The following EPHA6 variants were observed in gnomAD, a reference collection of about 807,000 sequenced individuals.
EPHA6 encodes the protein EPH receptor A6, also known as ephrin type-A receptor 6.
EPHA6 carries 50 observed loss-of-function variants against 112.0 expected under a neutral mutation model. That is an observed-to-expected ratio of 0.45 (90% confidence interval 0.36 to 0.56). The LOEUF is 0.56. Ranked by LOEUF, EPHA6 falls within the 20% of genes least tolerant of loss-of-function variation. The pLI is 0.00. For missense variants in EPHA6, 1,280 were observed against 1,417.4 expected, an observed-to-expected ratio of 0.90 and a Z score of 1.56; for synonymous variants, 529 against 490.7, an observed-to-expected ratio of 1.08 and a Z score of -1.03.
intron 14 of EPHA6, among the ~76,000 whole-genome samples, chr3:97,705,104 T>C (rs1272264465): frequency 1.3e-5 from 2 of 152,156 alleles, no homozygotes; most frequent in East Asian, 1.9e-4. Context: ...ATGTATTTAA[T>C]GCCCAAGGAA....
intron 15 of EPHA6, among the ~76,000 whole-genome samples, chr3:97,721,885 T>TTTTG (rs1180070291): frequency 6.6e-6 from 1 of 152,146 alleles, no homozygotes; most frequent in African/African-American, 2.4e-5. Flanking sequence ...TATTTGGGGA[T>TTTTG]TTTGTTTGTT....
At chr3:97,653,552 A>G (rs868118876) in intron 14 of EPHA6, among the ~76,000 whole-genome samples, 2 of 151,952 alleles carry the variant, frequency 1.3e-5, no homozygotes, top group African/African-American at 4.8e-5. Flanking sequence ...CACATTGTGC[A>G]TGGTAATGTA....
At chr3:97,305,656 G>A (rs1186147117) in intron 5 of EPHA6, among the ~76,000 whole-genome samples, 1 of 151,980 alleles carries the variant, frequency 6.6e-6, no homozygotes, top group Non-Finnish European at 1.5e-5. Context: ...TTATAAGTGA[G>A]AGCTGAACAA....
chr3:97,536,109 C>A (rs1395529026), intron 11 of EPHA6, among the ~76,000 whole-genome samples: 1 of 152,064 alleles, frequency 6.6e-6, no homozygotes, highest in African/African-American at 2.4e-5. Context: ...CATACTTTTT[C>A]TCCAAGAAGC....
chr3:97,512,959 C>T (rs535995715), intron 10 of EPHA6, among the ~76,000 whole-genome samples: 13 of 152,224 alleles, frequency 8.5e-5, no homozygotes, highest in Middle Eastern at 3.4e-3. Context: ...TGATATTCTC[C>T]CATGGTTGCC....
chr3:97,307,610 C>CT (rs199688049), intron 5 of EPHA6, among the ~76,000 whole-genome samples: 17,271 of 142,514 alleles, frequency 0.12, 2,011 homozygotes, highest in African/African-American at 0.27. Flanking sequence ...ATTTTGTTGC[C>CT]TTTTTTTTTT....
At chr3:97,408,195 C>T (rs925553836) in intron 6 of EPHA6, among the ~76,000 whole-genome samples, 6 of 152,044 alleles carry the variant, frequency 3.9e-5, no homozygotes, top group Non-Finnish European at 8.8e-5. Context: ...GTGTAGCCTT[C>T]ATGGCCTAAT....
chr3:97,544,604 A>T (rs568750635), intron 11 of EPHA6, among the ~76,000 whole-genome samples: 1 of 152,324 alleles, frequency 6.6e-6, no homozygotes, highest in African/African-American at 2.4e-5. Context: ...ATGCTGGCCC[A>T]TAAAATGAGT....
intron 3 of EPHA6, among the ~76,000 whole-genome samples, chr3:97,011,687 T>C (rs1040697762): frequency 1.3e-5 from 2 of 152,230 alleles, no homozygotes; most frequent in African/African-American, 4.8e-5. Flanking sequence ...TATGTTTACA[T>C]GCTGGTTTTG....
chr3:97,122,097 G>T (rs1050074547), intron 3 of EPHA6, among the ~76,000 whole-genome samples: 1 of 152,012 alleles, frequency 6.6e-6, no homozygotes, highest in African/African-American at 2.4e-5. Context: ...AAATACAGTA[G>T]AATGATTACC....
intron 5 of EPHA6, among the ~76,000 whole-genome samples, chr3:97,342,871 G>T (rs926810744): frequency 2.6e-5 from 4 of 152,150 alleles, no homozygotes; most frequent in African/African-American, 9.7e-5. Flanking sequence ...AATGTTTATT[G>T]TTTAAGCCAC....
intron 3 of EPHA6, among the ~76,000 whole-genome samples, chr3:97,032,081 ATG>A (rs914575975): frequency 1.3e-5 from 2 of 152,204 alleles, no homozygotes; most frequent in Admixed American, 1.3e-4. Context: ...GATTAAGAAA[ATG>A]TGGCACATAT....
chr3:97,161,354 A>G (rs78665135), intron 3 of EPHA6, among the ~76,000 whole-genome samples: 11,974 of 152,184 alleles, frequency 0.079, 773 homozygotes, highest in Admixed American at 0.22. Context: ...CTTCACCTGT[A>G]GGAACTTGCC....
intron 3 of EPHA6, among the ~76,000 whole-genome samples, chr3:97,119,405 TG>T (rs1037419399): frequency 1.1e-4 from 17 of 152,012 alleles, no homozygotes; most frequent in Admixed American, 7.9e-4. Context: ...TTTATGCCTC[TG>T]GGCGCAGGTT....
At chr3:96,972,487 C>T (rs1384967715) in intron 2 of EPHA6, among the ~76,000 whole-genome samples, 8 of 150,932 alleles carry the variant, frequency 5.3e-5, no homozygotes, top group South Asian at 4.2e-4. Context: ...CAGGTAAAGA[C>T]GAAAATATGT....
chr3:97,493,431 C>T (rs1460960451), intron 10 of EPHA6, among the ~76,000 whole-genome samples: 1 of 152,166 alleles, frequency 6.6e-6, no homozygotes, highest in Non-Finnish European at 1.5e-5. Flanking sequence ...AGAGATCCAC[C>T]TCCTTGTCCT....
chr3:96,983,318 G>T (rs969739460), intron 2 of EPHA6, among the ~76,000 whole-genome samples: 1 of 152,140 alleles, frequency 6.6e-6, no homozygotes, highest in African/African-American at 2.4e-5. Flanking sequence ...ATGAAGCTTA[G>T]TTTGGCTGGA....
At chr3:97,617,467 A>G (rs1480553533) in intron 13 of EPHA6, among the ~76,000 whole-genome samples, 9 of 152,200 alleles carry the variant, frequency 5.9e-5, no homozygotes, top group Admixed American at 5.9e-4. Flanking sequence ...GCCTCAATTA[A>G]AAGATAAAAA....
At chr3:97,194,152 A>C (rs1267636317) in intron 3 of EPHA6, among the ~76,000 whole-genome samples, 1 of 151,716 alleles carries the variant, frequency 6.6e-6, no homozygotes, top group Non-Finnish European at 1.5e-5. Flanking sequence ...TAGTTTGTAG[A>C]GTTAGGCTGT....
Sources: allele counts gnomAD v4.1 joint callset (sites outside exome capture counted in the v4.1 genomes callset), GRCh38; gene constraint gnomAD v4.1.1; transcripts MANE v1.5; gene names NCBI Gene and HGNC (gene_info 2026-07-23, HGNC 2026-07-21).